The following PSMA1 variants were observed in gnomAD, a reference collection of about 807,000 sequenced individuals.
The protein encoded by PSMA1 is proteasome subunit alpha type-1.
A neutral mutation model predicts 38.4 loss-of-function variants in PSMA1; 3 were observed. The observed-to-expected ratio is 0.08, with a 90% confidence interval of 0.04 to 0.20. The LOEUF is 0.20. PSMA1 is among the 10% of genes least tolerant of loss of function. The pLI is 1.00. For missense variants in PSMA1, 227 were observed against 325.3 expected (o/e 0.70, Z 2.32); for synonymous variants, 101 against 107.1 (o/e 0.94, Z 0.35).
At chr11:14,558,739 T>C (rs1310348467) in intron 2 of PSMA1, among the ~76,000 whole-genome samples, 1 of 152,210 alleles carries the variant, frequency 6.6e-6, no homozygotes, top group African/African-American at 2.4e-5. Context: ...CCTGGTGTCT[T>C]AAAGGAGCCA....
rs569894376 is a variant in PSMA1 at position 14,592,354 on chromosome 11, G to GTC, written c.21+18610_21+18611dup. Among the ~76,000 whole-genome samples the GTC allele has an allele frequency of 9.4e-3, 1,284 of 135,878 alleles. 15 individuals carry two copies. The highest frequency in any genetic ancestry group is 0.03 in the Middle Eastern group (8 of 268). The allele number at this position is 135,878 out of a possible 152,430, so 89.1% of individuals were successfully genotyped here. On this transcript the variant is annotated intron_variant, in intron 2 of 10. Coordinates refer to the PSMA1 transcript ENST00000418988. ...TCGACCCCGTCTCAACTCTGACACA[G>GTC]TCTCTCTCTCTCTCTCTCTCTCTAT...
intron 2 of PSMA1, among the ~76,000 whole-genome samples, chr11:14,563,221 GA>G (rs1264544554): frequency 6.6e-6 from 1 of 152,142 alleles, no homozygotes; most frequent in Non-Finnish European, 1.5e-5. Context: ...CTGACCACTT[GA>G]GGAAATGAGA....
intron 2 of PSMA1, among the ~76,000 whole-genome samples, chr11:14,558,800 T>C (rs1851971999): frequency 6.6e-6 from 1 of 152,234 alleles, no homozygotes; most frequent in Admixed American, 6.5e-5. Context: ...AGTTGGTCTT[T>C]GAAGACTGGC....
chr11:14,505,175 A>G lies in PSMA1; in HGVS notation c.*17T>C, dbSNP rs1331441441. ...TTCTTACATATTTGATAATACATAT[A>G]TAGACTGGCTTATCACTTAATGTTC... On this transcript the variant is annotated 3_prime_UTR_variant, in exon 10 of 10. Coordinates refer to ENST00000396394, the MANE Select transcript of PSMA1 (RefSeq NM_002786.4). 1 of 1,599,960 alleles carries G rather than the reference A, an allele frequency of 6.3e-7. No individual in the cohort carries two copies. Among genetic ancestry groups the G allele is most frequent in the Non-Finnish European group, 8.6e-7 (1 of 1,167,112 alleles).
intron 5 of PSMA1, 109 bp downstream of exon 5, chr11:14,514,294 G>A (rs1851391750): frequency 7.2e-7 from 1 of 1,394,786 alleles, no homozygotes; most frequent in African/African-American, 1.5e-5. Context: ...TTGTTTTAAA[G>A]TTTTCACAAT....
upstream of PSMA1, among the ~76,000 whole-genome samples, chr11:14,523,094 A>G (rs1170550878): frequency 3.3e-5 from 5 of 152,134 alleles, no homozygotes; most frequent in Non-Finnish European, 7.3e-5. Context: ...AATTGTCTGT[A>G]CTCTTCAGAA....
chr11:14,629,543 C>A lies in PSMA1; in HGVS notation c.-166+13912G>T, dbSNP rs552677471. ...TTGATCTATATCTCTGTTTTGGTAC[C>A]AGTACCATGCTGTTTTGGTTAGTGT... On this transcript the variant is annotated intron_variant, in intron 1 of 10. Coordinates refer to the PSMA1 transcript ENST00000418988. 2.5e-3 allele frequency among the ~76,000 whole-genome samples: 383 copies of A among 152,048 alleles called. 1 individual carries two copies. Among genetic ancestry groups the A allele is most frequent in the African/African-American group, 8.8e-3 (364 of 41,504 alleles).
intron 2 of PSMA1, among the ~76,000 whole-genome samples, chr11:14,527,365 T>C (rs1851598894): frequency 2.0e-5 from 3 of 152,130 alleles, no homozygotes; most frequent in South Asian, 2.1e-4. Context: ...CCAAGGAAAA[T>C]ACCTCCTTCC....
chr11:14,557,509 T>A (rs183178465), intron 2 of PSMA1, among the ~76,000 whole-genome samples: 50 of 152,342 alleles, frequency 3.3e-4, no homozygotes, highest in African/African-American at 1.2e-3. Context: ...CCCAAAGTGC[T>A]GGGATTACAG....
intron 2 of PSMA1, among the ~76,000 whole-genome samples, chr11:14,561,849 C>G (rs1191674816): frequency 6.6e-6 from 1 of 151,198 alleles, no homozygotes; most frequent in Non-Finnish European, 1.5e-5. Context: ...CTAAACTAAA[C>G]TAAACTAAAC....
intron 2 of PSMA1, among the ~76,000 whole-genome samples, chr11:14,536,162 T>C (rs767460116): frequency 6.6e-6 from 1 of 152,322 alleles, no homozygotes; most frequent in Non-Finnish European, 1.5e-5. Flanking sequence ...CCTTACTATA[T>C]ACTAAGCATT....
In PSMA1 at chr11:14,513,654, A is replaced by G; in HGVS notation, c.460T>C (p.Phe154Leu). 1 of 1,596,734 alleles carries G rather than the reference A, an allele frequency of 6.3e-7. No individual in the cohort carries two copies. Among genetic ancestry groups the G allele is most frequent in the Admixed American group, 1.8e-5 (1 of 56,032 alleles). ...CCAATGGACATGGCTCTGCAGTCAA[A>G]ATAGTTAGCAGATGGACAGGTTTGG... The part of the protein sequence containing the change: ...IFQTCPSANY[F>L]DCRAMSIGAR... Residue 154 changes from phenylalanine (F) to leucine (L), a missense_variant, in exon 7 of 10, where the codon TTT (phenylalanine) becomes CTT (leucine). Transcript: ENST00000396394.
At chr11:14,522,081 T>C (rs1241984266), upstream of PSMA1, among the ~76,000 whole-genome samples, 1 of 152,214 alleles carries the variant, frequency 6.6e-6, no homozygotes, top group Non-Finnish European at 1.5e-5. Flanking sequence ...ATTCTTTCCA[T>C]ATATATCTCT....
intron 1 of PSMA1, among the ~76,000 whole-genome samples, chr11:14,631,170 T>G (rs1408328565): frequency 6.6e-6 from 1 of 152,104 alleles, no homozygotes; most frequent in East Asian, 1.9e-4. Context: ...TTTCCTTCAG[T>G]TCTGCTCTGA....
upstream of PSMA1, among the ~76,000 whole-genome samples, chr11:14,521,897 A>C (rs1220344056): frequency 1.3e-5 from 2 of 152,248 alleles, no homozygotes; most frequent in Admixed American, 1.3e-4. Flanking sequence ...TATTTCTGAA[A>C]AACACTGTTG....
intron 1 of PSMA1, among the ~76,000 whole-genome samples, chr11:14,633,686 G>A (rs548306650): frequency 6.6e-6 from 1 of 152,194 alleles, no homozygotes; most frequent in Non-Finnish European, 1.5e-5. Flanking sequence ...CTTCCTGGCT[G>A]CTTTGTTTAC....
intron 4 of PSMA1, among the ~76,000 whole-genome samples, chr11:14,517,312 A>T (rs1851446323): frequency 6.6e-6 from 1 of 152,226 alleles, no homozygotes; most frequent in Non-Finnish European, 1.5e-5. Flanking sequence ...CAAAGAAAAC[A>T]AGTGTGGTTC....
At chr11:14,586,750 C>T (rs922440720) in intron 2 of PSMA1, among the ~76,000 whole-genome samples, 1 of 151,806 alleles carries the variant, frequency 6.6e-6, no homozygotes, top group Non-Finnish European at 1.5e-5. Context: ...CATCATCAAT[C>T]TCTCTTTCTT....
intron 1 of PSMA1, among the ~76,000 whole-genome samples, chr11:14,616,606 T>C (rs748341743): frequency 3.9e-5 from 6 of 152,016 alleles, no homozygotes; most frequent in Non-Finnish European, 7.4e-5. Context: ...TTACAATAGA[T>C]AAAGGTTAAA....
Sources: allele counts gnomAD v4.1 joint callset (sites outside exome capture counted in the v4.1 genomes callset), GRCh38; gene constraint gnomAD v4.1.1; transcripts MANE v1.5; gene names NCBI Gene and HGNC (gene_info 2026-07-23, HGNC 2026-07-21).